METAP1D: variants seen among roughly 807,000 people sequenced by gnomAD.
The protein encoded by METAP1D is methionine aminopeptidase 1D, mitochondrial.
METAP1D carries 31 observed loss-of-function variants against 40.5 expected under a neutral mutation model. The ratio of observed to expected loss-of-function variants is 0.77; its 90% confidence interval spans 0.58 to 1.03. The LOEUF (loss-of-function observed/expected upper bound fraction) is 1.03. Ranked by LOEUF, METAP1D falls within the 50% of genes least tolerant of loss-of-function variation. The probability of loss-of-function intolerance (pLI) is 0.00; values close to 1 mark genes in which losing one functional copy is unlikely to be tolerated. For synonymous variants in METAP1D, 151 were observed against 146.4 expected (o/e 1.03, Z -0.22); for missense variants, 411 against 420.7 (o/e 0.98, Z 0.20).
At chr2:172,007,683 T>C (rs532661675) in intron 1 of METAP1D, among the ~76,000 whole-genome samples, 4 of 152,240 alleles carry the variant, frequency 2.6e-5, no homozygotes, top group African/African-American at 9.6e-5. Context: ...CTGGAATGGA[T>C]GGAAAAGGAT....
chr2:172,052,372 T>C (rs1367903499), intron 1 of METAP1D, among the ~76,000 whole-genome samples: 1 of 152,188 alleles, frequency 6.6e-6, no homozygotes, highest in Non-Finnish European at 1.5e-5. Context: ...GGAGAAAAAG[T>C]GTGGAAAGCA....
chr2:172,053,055 G>A (rs1002700426), intron 1 of METAP1D, among the ~76,000 whole-genome samples: 24 of 152,176 alleles, frequency 1.6e-4, no homozygotes, highest in African/African-American at 5.6e-4. Flanking sequence ...CTTAGTACTA[G>A]ATTATAAAAA....
At chr2:172,070,829 A>G (rs886215743) in intron 5 of METAP1D, 78 bp from the exon 6 acceptor site, 4 of 1,214,652 alleles carry the variant, frequency 3.3e-6, no homozygotes, top group East Asian at 2.6e-5. Flanking sequence ...TACTAAATAC[A>G]TAAATGAATA....
intron 2 of METAP1D, among the ~76,000 whole-genome samples, chr2:172,062,948 T>C (rs1440623306): frequency 1.3e-5 from 2 of 152,250 alleles, no homozygotes; most frequent in Admixed American, 6.5e-5. Flanking sequence ...AAACTATAAA[T>C]AGTTTGTAAA....
chr2:172,050,670 C>T (rs1689867118), intron 1 of METAP1D, among the ~76,000 whole-genome samples: 2 of 152,078 alleles, frequency 1.3e-5, no homozygotes. Context: ...GTGTGCATTC[C>T]CTGGGTAGCA....
chr2:172,015,837 T>G (rs573615089), intron 1 of METAP1D, among the ~76,000 whole-genome samples: 1 of 151,828 alleles, frequency 6.6e-6, no homozygotes, highest in Non-Finnish European at 1.5e-5. Context: ...GGCATGTGCA[T>G]GTAGCTACTC....
At chr2:172,063,182 G>A (rs1269132540) in intron 2 of METAP1D, among the ~76,000 whole-genome samples, 1 of 152,194 alleles carries the variant, frequency 6.6e-6, no homozygotes, top group East Asian at 1.9e-4. Context: ...TAGTGTCTCA[G>A]TGTAAGTACG....
intron 1 of METAP1D, among the ~76,000 whole-genome samples, chr2:172,020,715 T>C (rs1205527062): frequency 6.6e-6 from 1 of 152,178 alleles, no homozygotes; most frequent in Non-Finnish European, 1.5e-5. Flanking sequence ...GTGATAAGTA[T>C]TGTGGAGAAA....
rs548128554 is a variant in METAP1D, at chr2:172,040,511, G to C, written c.41-20987G>C. ...ATTTGCCCCAAGGGAGCAATAGTGA[G>C]AGGATTCCCCACACTCTCTTCGAAA... On this transcript the variant is annotated intron_variant, in intron 1 of 9. Coordinates refer to ENST00000315796, the MANE Select transcript of METAP1D (RefSeq NM_199227.3). 9.7e-4 allele frequency among the ~76,000 whole-genome samples: 148 copies of C among 152,294 alleles called. 1 individual carries two copies. Among genetic ancestry groups the C allele is most frequent in the Middle Eastern group, 3.4e-3 (1 of 294 alleles).
At position 172,010,333 on chromosome 2, in the gene METAP1D, G is replaced by T. The variant is rs181972610; in HGVS notation, c.40+10324G>T. Among the ~76,000 whole-genome samples, 556 of 151,214 alleles carry T rather than the reference G, an allele frequency of 3.7e-3. 3 individuals are homozygous for T. Among genetic ancestry groups the T allele is most frequent in the Middle Eastern group, 0.014 (4 of 294 alleles). On this transcript the variant is annotated intron_variant, in intron 1 of 9. Transcript: ENST00000315796. Reference sequence around the variant, plus strand: ...TTTTTTGCATTTTTTGTAGAGATGGGGTTTCACCATGTTGCCCAGGCTGGC... The same window carrying T: ...TTTTTTGCATTTTTTGTAGAGATGGTGTTTCACCATGTTGCCCAGGCTGGC...
At chr2:172,037,226 C>T (rs1349107754) in intron 1 of METAP1D, among the ~76,000 whole-genome samples, 1 of 151,314 alleles carries the variant, frequency 6.6e-6, no homozygotes. Context: ...CGTGCCGTTG[C>T]ACTCCAGCCT....
intron 1 of METAP1D, among the ~76,000 whole-genome samples, chr2:172,011,213 T>C (rs891196816): frequency 6.6e-6 from 1 of 151,906 alleles, no homozygotes. Context: ...AAGAGAAACC[T>C]CTTACCCATT....
chr2:172,005,061 C>A (rs1688547786), intron 1 of METAP1D, among the ~76,000 whole-genome samples: 1 of 152,038 alleles, frequency 6.6e-6, no homozygotes, highest in African/African-American at 2.4e-5. Flanking sequence ...TGGCTAGGCG[C>A]ACACCACCAC....
chr2:172,042,804 T>C (rs147320387), intron 1 of METAP1D, among the ~76,000 whole-genome samples: 1 of 67,868 alleles, frequency 1.5e-5, no homozygotes, highest in Non-Finnish European at 3.5e-5. Flanking sequence ...TGTGTATATG[T>C]ACACATATAC....
At chr2:172,017,237 C>T (rs1384467996) in intron 1 of METAP1D, among the ~76,000 whole-genome samples, 603 of 9,188 alleles carry the variant, frequency 0.066, 5 homozygotes, top group African/African-American at 0.14. Flanking sequence ...AAAGGTTTTA[C>T]ACACACACAC....
intron 6 of METAP1D, among the ~76,000 whole-genome samples, chr2:172,071,895 G>A (rs1690429306): frequency 6.6e-6 from 1 of 152,136 alleles, no homozygotes; most frequent in East Asian, 1.9e-4. Flanking sequence ...TTGAAAAGAT[G>A]CTGCCTTTTT....
intron 1 of METAP1D, among the ~76,000 whole-genome samples, chr2:172,045,819 G>GTGTA (rs1689746734): frequency 6.6e-5 from 1 of 15,192 alleles, no homozygotes; most frequent in African/African-American, 3.2e-4. Flanking sequence ...GTGTGTGTGT[G>GTGTA]TATATATATA....
chr2:172,080,086 A>AATCT, intron 8 of METAP1D, 42 bp from the exon 9 acceptor site: 1 of 1,525,760 alleles, frequency 6.6e-7, no homozygotes, highest in Non-Finnish European at 9.0e-7. Flanking sequence ...GTTTAACAAG[A>AATCT]ATCTGATGAG....
At chr2:172,019,634 C>T (rs1327109480) in intron 1 of METAP1D, among the ~76,000 whole-genome samples, 2 of 151,936 alleles carry the variant, frequency 1.3e-5, no homozygotes, top group Non-Finnish European at 2.9e-5. Flanking sequence ...ATATAATCTC[C>T]AAGAGGCCAG....
Sources: allele counts gnomAD v4.1 joint callset (sites outside exome capture counted in the v4.1 genomes callset), GRCh38; gene constraint gnomAD v4.1.1; transcripts MANE v1.5; gene names NCBI Gene and HGNC (gene_info 2026-07-23, HGNC 2026-07-21).